The following MTRF1 variants were observed in gnomAD, a reference collection of about 807,000 sequenced individuals.
MTRF1 encodes the protein mitochondrial translation release factor 1.
In MTRF1, 51 loss-of-function variants were observed where a neutral mutation model predicts 62.9. The observed-to-expected ratio is 0.81, with a 90% CI of 0.65 to 1.02. The LOEUF is 1.02. Ranked by LOEUF, MTRF1 falls within the 50% of genes least tolerant of loss-of-function variation. The probability of loss-of-function intolerance (pLI) is 0.00; values close to 1 mark genes in which losing one functional copy is unlikely to be tolerated. For synonymous variants in MTRF1, 158 were observed against 181.9 expected, an observed-to-expected ratio of 0.87 and a Z score of 1.06; for missense variants, 446 against 530.0, an observed-to-expected ratio of 0.84 and a Z score of 1.56.
chr13:41,294,006 T>C, the MTRF1 span, among the ~76,000 whole-genome samples: 16 of 152,298 alleles, frequency 1.1e-4, no homozygotes, highest in Middle Eastern at 3.4e-3. Context: ...ATTCAAGATC[T>C]TGCTTCCTAG....
chr13:41,293,928 T>C, the MTRF1 span, among the ~76,000 whole-genome samples: 1 of 152,072 alleles, frequency 6.6e-6, no homozygotes. Context: ...TATTGATATA[T>C]TGAAAATGAA....
At chr13:41,267,846 CAG>C (rs2040857728), upstream of MTRF1, among the ~76,000 whole-genome samples, 1 of 138,612 alleles carries the variant, frequency 7.2e-6, no homozygotes, top group South Asian at 2.4e-4. Context: ...GCCTGGGTGA[CAG>C]AGTGAGAAAC....
At chr13:41,252,876 A>G (rs2039248816) in intron 4 of MTRF1, 73 bp downstream of exon 4, 2 of 1,361,918 alleles carry the variant, frequency 1.5e-6, no homozygotes, top group South Asian at 1.2e-5. Context: ...GGACTTTTAA[A>G]GTTAGTGTTA....
At chr13:41,311,418 C>T in the MTRF1 span, 5 of 1,042,690 alleles carry the variant, frequency 4.8e-6, no homozygotes, top group South Asian at 1.5e-5. Flanking sequence ...ACTAATCCAT[C>T]GCCCGCAGCC....
At chr13:41,270,733 T>G in the MTRF1 span, among the ~76,000 whole-genome samples, 1 of 138,064 alleles carries the variant, frequency 7.2e-6, no homozygotes, top group Non-Finnish European at 1.6e-5. Flanking sequence ...TTATTATTTT[T>G]TATTTTTTAA....
intron 8 of MTRF1, among the ~76,000 whole-genome samples, chr13:41,224,437 G>C (rs1251321459): frequency 6.6e-6 from 1 of 152,194 alleles, no homozygotes; most frequent in Admixed American, 6.5e-5. Context: ...CCTAAGGCAA[G>C]TGATATGAAA....
At chr13:41,227,469 A>T (rs2034653686) in intron 7 of MTRF1, among the ~76,000 whole-genome samples, 1 of 152,082 alleles carries the variant, frequency 6.6e-6, no homozygotes, top group East Asian at 1.9e-4. Context: ...ATCTAACCTC[A>T]CACAAGTTTT....
At chr13:41,284,732 C>CA in the MTRF1 span, among the ~76,000 whole-genome samples, 1 of 152,130 alleles carries the variant, frequency 6.6e-6, no homozygotes, top group Admixed American at 6.5e-5. Context: ...CAACTCACTG[C>CA]AACCTCTGCC....
At chr13:41,266,507 G>A (rs1414469335), upstream of MTRF1, among the ~76,000 whole-genome samples, 5 of 152,018 alleles carry the variant, frequency 3.3e-5, no homozygotes, top group Admixed American at 3.3e-4. Context: ...AGCTACTCAG[G>A]AGGCTGAGAC....
the MTRF1 span, among the ~76,000 whole-genome samples, chr13:41,287,401 G>A: frequency 1.3e-5 from 2 of 152,210 alleles, no homozygotes; most frequent in African/African-American, 4.8e-5. Context: ...AGGGGATGGT[G>A]CCAAGCCATT....
At position 41,217,016 on chromosome 13, in the gene MTRF1, T is replaced by G. The variant is rs2032018532; in HGVS notation, c.*99A>C. 1 of 614,812 alleles carries G rather than the reference T, an allele frequency of 1.6e-6. No homozygotes were observed. Among genetic ancestry groups the G allele is most frequent in the Admixed American group, 3.1e-5 (1 of 31,786 alleles). The allele number at this position is 614,812 out of a possible 1,614,324, so 38.1% of individuals were successfully genotyped here. On this transcript the variant is annotated 3_prime_UTR_variant, in exon 10 of 10. Coordinates refer to ENST00000379480, the MANE Select transcript of MTRF1 (RefSeq NM_004294.4). Reference sequence around the variant, plus strand: ...TTTATGTGTAATGTGTTCTTAAAGCTGTAATTTACAAATATTCATAATGAT... The same window carrying G: ...TTTATGTGTAATGTGTTCTTAAAGCGGTAATTTACAAATATTCATAATGAT...
chr13:41,262,868 T>C (rs942939637), intron 1 of MTRF1, among the ~76,000 whole-genome samples: 3 of 152,214 alleles, frequency 2.0e-5, no homozygotes, highest in Admixed American at 1.3e-4. Flanking sequence ...AGGAGGTGCA[T>C]TGATATATTA....
At chr13:41,271,318 C>G in the MTRF1 span, among the ~76,000 whole-genome samples, 2 of 152,190 alleles carry the variant, frequency 1.3e-5, no homozygotes, top group Non-Finnish European at 2.9e-5. Context: ...AAAGACCATA[C>G]TACTTCCATT....
At chr13:41,269,518 A>T in the MTRF1 span, among the ~76,000 whole-genome samples, 108,724 of 151,746 alleles carry the variant, frequency 0.72, 39,252 homozygotes, top group African/African-American at 0.74. Context: ...ATTTTGTACA[A>T]AACCTTTAAA....
chr13:41,219,049 G>C (rs1379091148), intron 9 of MTRF1, among the ~76,000 whole-genome samples: 1 of 152,148 alleles, frequency 6.6e-6, no homozygotes, highest in Non-Finnish European at 1.5e-5. Flanking sequence ...CCAGCATTTC[G>C]CAAGGCTGAC....
At chr13:41,242,491 T>C (rs2037644034) in intron 5 of MTRF1, among the ~76,000 whole-genome samples, 1 of 152,200 alleles carries the variant, frequency 6.6e-6, no homozygotes, top group African/African-American at 2.4e-5. Context: ...GCTAGGGTTG[T>C]CCACTACTAC....
In MTRF1 at chr13:41,233,975, T is replaced by G. The variant is rs777548939; in HGVS notation, c.903A>C (p.Arg301=). The change falls in exon 7 of 10, where the codon CGA becomes CGC. Residue 301 remains arginine, a synonymous_variant. Coordinates refer to ENST00000379480, the MANE Select transcript of MTRF1 (RefSeq NM_004294.4). ...CTCCTTTGGCTCGAAATGTATCTATTCGCAAATCCTTGGGGTCCAATTTCA... is the reference window on the plus strand; with the variant it reads ...CTCCTTTGGCTCGAAATGTATCTATGCGCAAATCCTTGGGGTCCAATTTCA... The part of the protein sequence containing the change: ...VDVKLDPKDL[R]IDTFRAKGAG... The G allele has an allele frequency of 1.1e-5, 18 of 1,614,160 alleles. No individual in the cohort carries two copies. Among genetic ancestry groups the G allele is most frequent in the Non-Finnish European group, 1.5e-5 (18 of 1,179,968 alleles).
the MTRF1 span, among the ~76,000 whole-genome samples, chr13:41,306,332 C>G: frequency 1.3e-5 from 2 of 151,066 alleles, no homozygotes; most frequent in Middle Eastern, 3.2e-3. Context: ...TGCAATGAGC[C>G]GAGATCGCGC....
intron 6 of MTRF1, among the ~76,000 whole-genome samples, chr13:41,234,919 G>A (rs1047441444): frequency 6.6e-6 from 1 of 152,134 alleles, no homozygotes; most frequent in Non-Finnish European, 1.5e-5. Context: ...GTTTGAATCT[G>A]AACTCTAGCA....
Sources: gnomAD v4.1 joint callset for allele counts (sites outside exome capture counted in the v4.1 genomes callset) on GRCh38, gnomAD v4.1.1 for gene constraint, MANE v1.5 for transcripts, NCBI Gene and HGNC (gene_info 2026-07-23, HGNC 2026-07-21) for gene names.